Variants in DRP2 observed in about 807,000 individuals in gnomAD.
DRP2 encodes the protein dystrophin related protein 2.
Under a neutral mutation model 78.2 loss-of-function variants are expected in DRP2, and 29 were observed. That is an observed-to-expected ratio of 0.37 (90% CI 0.28 to 0.51). The LOEUF (loss-of-function observed/expected upper bound fraction) is 0.51, where lower values mean the gene tolerates loss of function less well. Among genes scored for constraint, DRP2 ranks in the 20% least tolerant of loss-of-function variants. DRP2 has a pLI of 0.94. For missense variants in DRP2, 686 were observed against 770.6 expected (o/e 0.89, Z 1.30); for synonymous variants, 290 against 281.9 (o/e 1.03, Z -0.29).
In DRP2 at chrX:101,258,470, C is replaced by T. The variant is rs140382549; in HGVS notation, c.2552C>T (p.Thr851Met). The T allele has an allele frequency of 1.8e-5, 22 of 1,197,108 alleles. No homozygotes were observed. Among genetic ancestry groups the T allele is most frequent in the South Asian group, 3.7e-5 (2 of 54,623 alleles). The change falls in exon 22 of 24, where the codon ACG becomes ATG. Residue 851 changes from threonine (T) to methionine (M), a missense_variant. This residue lies in a region of DRP2 where 423 missense variants were observed against 531.5 expected (regional missense o/e 0.80). Transcript: ENST00000395209. Reference protein sequence around the residue: ...ILRQHKSRLETRMQILEDHNK... With the variant: ...ILRQHKSRLEMRMQILEDHNK... ...CGGCAACATAAGAGCCGCCTGGAGA[C>T]GCGCATGCAGATCCTCGAAGATCAC...
At chrX:101,248,479 C>T in intron 13 of DRP2, 35 bp from the exon 14 acceptor site, 4 of 1,186,125 alleles carry the variant, frequency 3.4e-6, no homozygotes, top group Non-Finnish European at 4.6e-6. Flanking sequence ...CCTTTACATA[C>T]ATTCATATTC....
intron 6 of DRP2, among the ~76,000 whole-genome samples, chrX:101,239,522 C>A (rs1052898633): frequency 1.8e-5 from 2 of 111,887 alleles, no homozygotes. Context: ...GCAAGAAGAT[C>A]ACTTGTGCCC....
Position 101,237,791 on chromosome X carries a change from A to G in DRP2, c.438+16A>G, listed in dbSNP as rs759054547. ...GACACATGCGGTAGGTTAGAATCAG[A>G]GAAGCCGTGGTGTGTAGCCTCTCAG... is the stretch of plus-strand genomic sequence containing the variant. On this transcript the variant is annotated intron_variant, in intron 5 of 23. Coordinates refer to ENST00000395209, the MANE Select transcript of DRP2 (RefSeq NM_001939.3). 3.8e-5 allele frequency: 43 copies of G among 1,117,416 alleles called. No individual in the cohort carries two copies. In the East Asian group the frequency reaches 1.3e-3, roughly 35 times the overall value. The allele number at this position is 1,117,416 out of a possible 1,213,427, so 92.1% of individuals were successfully genotyped here.
At position 101,242,998 on chromosome X, in the gene DRP2, T is replaced by A. The variant is rs762458193; in HGVS notation, c.1054+16T>A. The A allele has an allele frequency of 8.3e-7, 1 of 1,200,557 alleles. No homozygotes were observed. Among genetic ancestry groups the A allele is most frequent in the Non-Finnish European group, 1.1e-6 (1 of 885,780 alleles). ...TTTCTCTCCTGTACGTGAACCAAAC[T>A]GGACTCCACTTAGCAGAACCTCAGC... On this transcript the variant is annotated intron_variant, in intron 9 of 23. Coordinates refer to ENST00000395209, the MANE Select transcript of DRP2 (RefSeq NM_001939.3).
intron 8 of DRP2, 94 bp downstream of exon 8, chrX:101,242,565 A>G: frequency 9.5e-7 from 1 of 1,053,818 alleles, no homozygotes; most frequent in Non-Finnish European, 1.3e-6. Context: ...TAGGATCTGC[A>G]TGGGAAAAGA....
At chrX:101,222,057 GGT>G (rs748275062) in intron 1 of DRP2, among the ~76,000 whole-genome samples, 2 of 110,135 alleles carry the variant, frequency 1.8e-5, no homozygotes, top group South Asian at 3.8e-4. Context: ...AAGTGTTGGG[GGT>G]GTGTGTGTGT....
intron 6 of DRP2, among the ~76,000 whole-genome samples, chrX:101,239,688 C>T (rs1255722264): frequency 9.0e-6 from 1 of 111,723 alleles, no homozygotes; most frequent in African/African-American, 3.3e-5. Context: ...TGCCATTCTC[C>T]TGCCTCAGCC....
chrX:101,256,571 C>T lies in DRP2; in HGVS notation c.2390+310C>T, dbSNP rs1427617870. ...TTTTAAATTTTTTTTTTTTTTGAGA[C>T]AGAGTCTCACTCTGTTGCCCAGGCT... On this transcript the variant is annotated intron_variant, in intron 21 of 23. Transcript: ENST00000395209. Among the ~76,000 whole-genome samples, 5 of 104,976 alleles carry T rather than the reference C, an allele frequency of 4.8e-5. No individual in the cohort carries two copies. The East Asian group carries it at 1.2e-3, about 25-fold the overall frequency. The allele number at this position is 104,976 out of a possible 115,157, so 91.2% of individuals were successfully genotyped here. A position where few individuals can be genotyped will look rare whatever the true frequency, so the allele number is the denominator to read the frequency against.
chrX:101,254,054 G>C (rs112370015), intron 17 of DRP2, among the ~76,000 whole-genome samples: 39,662 of 110,466 alleles, frequency 0.36, 5,200 homozygotes, highest in Middle Eastern at 0.46. Flanking sequence ...GGCCGAGGTA[G>C]GAGGATTTCT....
intron 22 of DRP2, among the ~76,000 whole-genome samples, 178 bp from the exon 23 acceptor site, chrX:101,259,871 A>G (rs1181180952): frequency 8.9e-6 from 1 of 112,427 alleles, no homozygotes; most frequent in African/African-American, 3.2e-5. Context: ...GGGTAATTCA[A>G]TATTCTAAGA....
intron 11 of DRP2, 131 bp from the exon 12 acceptor site, chrX:101,246,959 C>T (rs906355333): frequency 8.3e-5 from 40 of 479,354 alleles, no homozygotes; most frequent in South Asian, 4.6e-4. Flanking sequence ...CTCATTCATC[C>T]CCACTCTTGT....
chrX:101,247,794 T>C (rs5967277), intron 12 of DRP2, among the ~76,000 whole-genome samples: 2,148 of 112,502 alleles, frequency 0.019, 59 homozygotes, highest in African/African-American at 0.066. Flanking sequence ...ATTTGATCCC[T>C]TGAGAGTTAG....
intron 2 of DRP2, among the ~76,000 whole-genome samples, chrX:101,227,989 A>G (rs1203731159): frequency 8.9e-6 from 1 of 112,495 alleles, no homozygotes; most frequent in African/African-American, 3.2e-5. Flanking sequence ...GGAAAAGCTA[A>G]ATATCTTTAG....
Position 101,260,058 on chromosome X carries a change from G to C in DRP2, c.2638G>C (p.Glu880Gln). The change falls in exon 23 of 24, where the codon GAA becomes CAA. Residue 880 changes from glutamate (E) to glutamine (Q), a missense_variant. Glu to Gln is a conservative substitution (Grantham distance 29). Around this residue, in one of 2 missense-constraint regions of DRP2, gnomAD observed 423 missense variants for 531.5 expected, o/e 0.80. Transcript: ENST00000395209. ...LRELLLQPPT[E>Q]SDGSGSAGSS... ...CCTTACCTCTTGCTAGCCACCCACCGAATCAGATGGCAGTGGCTCTGCAGG... is the reference window on the plus strand; with the variant it reads ...CCTTACCTCTTGCTAGCCACCCACCCAATCAGATGGCAGTGGCTCTGCAGG... 1 of 1,211,258 alleles carries C rather than the reference G, an allele frequency of 8.3e-7. No individual in the cohort carries two copies. Among genetic ancestry groups the C allele is most frequent in the Non-Finnish European group, 1.1e-6 (1 of 895,301 alleles).
intron 6 of DRP2, 63 bp from the exon 7 acceptor site, chrX:101,241,605 G>A (rs1371115293): frequency 5.2e-6 from 6 of 1,164,850 alleles, no homozygotes; most frequent in Non-Finnish European, 7.0e-6. Context: ...GGCTGTTTCT[G>A]TCTCTTTCTT....
intron 17 of DRP2, among the ~76,000 whole-genome samples, chrX:101,253,540 C>CTTTTTT (rs138161868): frequency 5.6e-4 from 30 of 53,576 alleles, no homozygotes; most frequent in Non-Finnish European, 6.1e-4. Context: ...TTACTTTCAC[C>CTTTTTT]TTTTTTTTTT....
intron 11 of DRP2, among the ~76,000 whole-genome samples, chrX:101,245,740 G>T (rs756084410): frequency 2.7e-5 from 3 of 111,528 alleles, no homozygotes; most frequent in South Asian, 3.8e-4. Context: ...AATGGTGGCT[G>T]CCAGTGGCTG....
At chrX:101,256,404 C>T (rs1253059783) in intron 21 of DRP2, 143 bp downstream of exon 21, 10 of 615,485 alleles carry the variant, frequency 1.6e-5, no homozygotes, top group African/African-American at 1.6e-4. Context: ...ATCTGTAAAA[C>T]GGGGATGATG....
At chrX:101,247,288 C>A in intron 12 of DRP2, 124 bp downstream of exon 12, 1 of 572,979 alleles carries the variant, frequency 1.7e-6, no homozygotes. Context: ...GGAAACTCTC[C>A]AAAGCCTGCA....
Sources: allele counts gnomAD v4.1 joint callset (sites outside exome capture counted in the v4.1 genomes callset), GRCh38; gene constraint gnomAD v4.1.1; regional missense constraint gnomAD v4.1.1; transcripts MANE v1.5; gene names NCBI Gene and HGNC (gene_info 2026-07-23, HGNC 2026-07-21).